The following UBR4 variants were observed in gnomAD, a reference collection of about 807,000 sequenced individuals.
UBR4 encodes the protein ubiquitin protein ligase E3 component n-recognin 4.
Under a neutral mutation model 575.6 loss-of-function variants are expected in UBR4, and 124 were observed. The ratio of observed to expected loss-of-function variants is 0.22; its 90% CI spans 0.19 to 0.25. The LOEUF (loss-of-function observed/expected upper bound fraction) is 0.25, where lower values mean the gene tolerates loss of function less well. Among genes scored for constraint, UBR4 ranks in the 10% least tolerant of loss-of-function variants. UBR4 has a pLI of 1.00. For synonymous variants in UBR4, 2,455 were observed against 2,473.7 expected (o/e 0.99, Z 0.22); for missense variants, 4,818 against 6,478.8 (o/e 0.74, Z 8.80).
At chr1:19,182,254 T>C (rs1243160059) in intron 17 of UBR4, among the ~76,000 whole-genome samples, 6 of 152,238 alleles carry the variant, frequency 3.9e-5, no homozygotes, top group Admixed American at 1.3e-4. Flanking sequence ...AATACTGCTA[T>C]GAACATGGGT....
chr1:19,133,175 C>G (rs963370579), intron 60 of UBR4, among the ~76,000 whole-genome samples: 1 of 152,038 alleles, frequency 6.6e-6, no homozygotes, highest in Non-Finnish European at 1.5e-5. Context: ...TAAGCCTAAA[C>G]TAAAAATTAG....
intron 90 of UBR4, among the ~76,000 whole-genome samples, chr1:19,098,760 T>C (rs1189093406): frequency 5.9e-5 from 9 of 152,190 alleles, no homozygotes; most frequent in Admixed American, 6.5e-5. Context: ...AATCTACAAA[T>C]AGTATACTGC....
In UBR4 at chr1:19,140,685, G is replaced by T. The variant is rs1244461127; in HGVS notation, c.8593+103C>A. ...AGCCAAGGCAGAAGCAGGAAGTCCA[G>T]AATGGCCTGTCAAAGCAGCTGCCCA... On this transcript the variant is annotated intron_variant, in intron 58 of 105. Transcript: ENST00000375254. 4.2e-6 allele frequency: 5 copies of T among 1,191,130 alleles called. No individual in the cohort carries two copies. In the African/African-American group the frequency reaches 6.0e-5, roughly 14 times the overall value. 73.8% of individuals were successfully genotyped at this position (1,191,130 alleles called of 1,614,324 possible).
intron 51 of UBR4, among the ~76,000 whole-genome samples, chr1:19,147,705 G>T (rs562489418): frequency 6.6e-6 from 1 of 151,658 alleles, no homozygotes; most frequent in African/African-American, 2.4e-5. Context: ...CCCTTTTCCA[G>T]CGAGAAGGCT....
At position 19,155,513 on chromosome 1, in the gene UBR4, T is replaced by C. The variant is rs750209786; in HGVS notation, c.6228A>G (p.Glu2076=). ...SAGYIYTQLM[E]EASSAQQGPF... is the part of the protein sequence containing the mutation. ...GTCCCTGCTGGGCACTGCTGGCCTCTTCCATAAGCTGAGTATAGATGTACC... is the reference window on the plus strand; with the variant it reads ...GTCCCTGCTGGGCACTGCTGGCCTCCTCCATAAGCTGAGTATAGATGTACC... The change falls in exon 43 of 106, where the codon GAA becomes GAG. Residue 2076 remains glutamate, a synonymous_variant. Coordinates refer to ENST00000375254, the MANE Select transcript of UBR4 (RefSeq NM_020765.3). The C allele has an allele frequency of 6.2e-7, 1 of 1,614,204 alleles. No individual in the cohort carries two copies. The highest frequency in any genetic ancestry group is 1.7e-5 in the Admixed American group (1 of 60,028).
intron 25 of UBR4, among the ~76,000 whole-genome samples, chr1:19,172,394 G>A (rs2150917730): frequency 6.6e-6 from 1 of 152,204 alleles, no homozygotes; most frequent in East Asian, 1.9e-4. Flanking sequence ...GTGCATGCCT[G>A]TAATCCCAGC....
rs200579841 is a variant in UBR4, at chr1:19,112,582, G to A, written c.11743C>T (p.Arg3915Cys). 42 of 1,614,250 alleles carry A rather than the reference G, an allele frequency of 2.6e-5. 1 individual carries two copies. The East Asian group carries it at 5.6e-4, about 21-fold the overall frequency. The change falls in exon 78 of 106, where the codon CGC (arginine) becomes TGC (cysteine). Residue 3915 changes from arginine (R) to cysteine (C), a missense_variant. This residue lies in a region of UBR4 where 333 missense variants were observed against 459.2 expected (regional missense o/e 0.73). Coordinates refer to ENST00000375254, the MANE Select transcript of UBR4 (RefSeq NM_020765.3). The stretch of plus-strand genomic sequence containing the variant: ...TCCCGCATGGCCGCAGCCCCTCGGC[G>A]AAGATTATAATCAAAGAGCTCCCGG... ...LIRELFDYNL[R>C]RGAAAMREEV...
In UBR4 at chr1:19,076,728, C is replaced by T. The variant is rs774230764; in HGVS notation, c.15487+12G>A. On this transcript the variant is annotated intron_variant, in intron 105 of 105. Transcript: ENST00000375254. ...GCGGAGGATCTTTAAAAGAGAAAAC[C>T]TTGACACTAACCGGCCACATCGAGG... 1.2e-6 allele frequency: 2 copies of T among 1,614,108 alleles called. No homozygotes were observed. The highest frequency in any genetic ancestry group is 1.7e-6 in the Non-Finnish European group (2 of 1,180,004).
At chr1:19,146,131 C>T (rs2084833708) in intron 52 of UBR4, 198 bp from the exon 53 acceptor site, 2 of 1,527,694 alleles carry the variant, frequency 1.3e-6, no homozygotes, top group Admixed American at 4.1e-5. Flanking sequence ...TCGCAGAAAA[C>T]ATTGTATGTT....
intron 87 of UBR4, among the ~76,000 whole-genome samples, chr1:19,102,754 C>G (rs1168523800): frequency 6.6e-6 from 1 of 152,166 alleles, no homozygotes; most frequent in Non-Finnish European, 1.5e-5. Flanking sequence ...GGCAAAGAGT[C>G]TAGCAGGAAC....
At chr1:19,199,889 TAA>T in intron 2 of UBR4, 135 bp from the exon 3 acceptor site, 4 of 720,660 alleles carry the variant, frequency 5.6e-6, no homozygotes, top group Non-Finnish European at 7.0e-6. Context: ...ACCCAAGGGG[TAA>T]ACAAAGGCAT....
chr1:19,092,664 T>C, intron 97 of UBR4, 155 bp downstream of exon 97: 1 of 562,666 alleles, frequency 1.8e-6, no homozygotes. Flanking sequence ...AAATACAACT[T>C]ACTTCTCTCA....
At position 19,104,133 on chromosome 1, in the gene UBR4, G is replaced by T. The variant is rs1435734217; in HGVS notation, c.12852C>A (p.Ile4284=). Residue 4284 remains isoleucine, a synonymous_variant, in exon 87 of 106, where the codon ATC becomes ATA. Coordinates refer to ENST00000375254, the MANE Select transcript of UBR4 (RefSeq NM_020765.3). ...RKLVVQRTKL[I]DETQDMLLEM... ...CCAGCAGCATGTCCTGCGTCTCATCGATCAGCTTGGTCCTCTGCACCACCA... is the reference window on the plus strand; with the variant it reads ...CCAGCAGCATGTCCTGCGTCTCATCTATCAGCTTGGTCCTCTGCACCACCA... The T allele has an allele frequency of 1.2e-6, 2 of 1,614,172 alleles. No individual in the cohort carries two copies. The highest frequency in any genetic ancestry group is 1.7e-6 in the Non-Finnish European group (2 of 1,180,038).
Position 19,162,551 on chromosome 1 carries a change from C to T in UBR4, c.4825G>A (p.Ala1609Thr), listed in dbSNP as rs779149141. The T allele has an allele frequency of 1.2e-6, 2 of 1,614,160 alleles. No homozygotes were observed. Among genetic ancestry groups the T allele is most frequent in the East Asian group, 2.2e-5 (1 of 44,888 alleles). ...IMSYLADVTN[A>T]LSQSNGQGPS... ...CCTTGACCATTACTCTGGCTCAGGG[C>T]ATTCGTGACATCAGCCAAGTAAGAC... Residue 1609 changes from alanine to threonine, a missense_variant, in exon 35 of 106, where the codon GCC becomes ACC. Around this residue, in one of 29 missense-constraint regions of UBR4, gnomAD observed 1,172 missense variants for 1,259.7 expected, o/e 0.93. Coordinates refer to ENST00000375254, the MANE Select transcript of UBR4 (RefSeq NM_020765.3).
rs139692021 is a variant in UBR4 at position 19,078,218 on chromosome 1, G to A, written c.15234-152C>T. 7,109 of 718,858 alleles carry A rather than the reference G, an allele frequency of 9.9e-3. 63 individuals carry two copies. Among genetic ancestry groups the A allele is most frequent in the Non-Finnish European group, 0.012 (5,072 of 440,020 alleles). 44.5% of individuals were successfully genotyped at this position (718,858 alleles called of 1,614,324 possible). ...GCCTTCTGCTTGGAAAAAAGCAGCT[G>A]TGGGCAAGAACCTCTGGAGCCCTGG... On this transcript the variant is annotated intron_variant, in intron 103 of 105. Coordinates refer to ENST00000375254, the MANE Select transcript of UBR4 (RefSeq NM_020765.3).
At chr1:19,125,104 T>C (rs754362929) in intron 64 of UBR4, among the ~76,000 whole-genome samples, 26 of 152,022 alleles carry the variant, frequency 1.7e-4, no homozygotes, top group African/African-American at 2.4e-4. Flanking sequence ...TAACAAGAAA[T>C]TGTTAAATAA....
At chr1:19,193,077 C>T (rs530788951) in intron 9 of UBR4, among the ~76,000 whole-genome samples, 9 of 152,280 alleles carry the variant, frequency 5.9e-5, no homozygotes, top group South Asian at 2.1e-4. Flanking sequence ...ACACCCGGCC[C>T]AGATCACTAT....
At position 19,110,366 on chromosome 1, in the gene UBR4, A is replaced by G. The variant is rs369581932; in HGVS notation, c.11977+14T>C. 1.2e-6 allele frequency: 2 copies of G among 1,613,872 alleles called. No individual in the cohort carries two copies. ...TGAGCCTCCTTTCCTTTCTCTGAAA[A>G]TCCCCTAACTCACCACAGCGTAACC... is the stretch of plus-strand genomic sequence containing the variant. On this transcript the variant is annotated intron_variant, in intron 80 of 105. Transcript: ENST00000375254. The surrounding 1 kb of genome is among the most constrained non-coding windows in gnomAD (Gnocchi z 4.5).
In UBR4 at chr1:19,083,713, T is replaced by C. The variant is rs182754485; in HGVS notation, c.15008+791A>G. ...GGCTAATTTAAAACAATTGTTTTTT[T>C]CATTAAGACAGAGTCTTGCTATGTT... is the stretch of plus-strand genomic sequence containing the variant. On this transcript the variant is annotated intron_variant, in intron 102 of 105. Transcript: ENST00000375254. Among the ~76,000 whole-genome samples the C allele has an allele frequency of 2.3e-3, 352 of 152,300 alleles. 3 individuals carry two copies. The highest frequency in any genetic ancestry group is 8.0e-3 in the African/African-American group (333 of 41,556).
Sources: allele counts gnomAD v4.1 joint callset (sites outside exome capture counted in the v4.1 genomes callset), GRCh38; gene constraint gnomAD v4.1.1; regional missense constraint gnomAD v4.1.1; non-coding constraint Gnocchi (gnomAD v3.1); transcripts MANE v1.5; gene names NCBI Gene and HGNC (gene_info 2026-07-23, HGNC 2026-07-21).